Variants in GNPDA2 observed in about 807,000 individuals in gnomAD.
GNPDA2 encodes glcN6P deaminase 2.
A neutral mutation model predicts 27.0 loss-of-function variants in GNPDA2; 24 were observed. The ratio of observed to expected loss-of-function variants is 0.89; its 90% CI spans 0.64 to 1.25. The LOEUF is 1.25. Among genes scored for constraint, GNPDA2 ranks in the 50% most tolerant of loss-of-function variants. GNPDA2 has a pLI of 0.00. For synonymous variants in GNPDA2, 94 were observed against 108.4 expected (o/e 0.87, Z 0.83); for missense variants, 286 against 335.1 (o/e 0.85, Z 1.14).
At chr4:44,712,833 T>C (rs956369219) in intron 4 of GNPDA2, among the ~76,000 whole-genome samples, 3 of 152,192 alleles carry the variant, frequency 2.0e-5, no homozygotes, top group Non-Finnish European at 4.4e-5. Context: ...CTGAGGTTCC[T>C]GATATAAAAT....
At chr4:44,705,393 C>G (rs1353962089) in intron 6 of GNPDA2, 1 of 984,822 alleles carries the variant, frequency 1.0e-6, no homozygotes, top group East Asian at 1.1e-4. Context: ...GGTATCCTAA[C>G]AGGCTGATAC....
In GNPDA2 at chr4:44,722,149, A is replaced by G. The variant is rs2109723456; in HGVS notation, c.59T>C (p.Ile20Thr). 6.2e-7 allele frequency: 1 copy of G among 1,613,316 alleles called. No homozygotes were observed. Among genetic ancestry groups the G allele is most frequent in the East Asian group, 2.2e-5 (1 of 44,850 alleles). The change falls in exon 2 of 7, where the codon ATC (isoleucine) becomes ACC (threonine). Residue 20 changes from isoleucine (I) to threonine (T), a missense_variant. Ile to Thr is a moderately conservative substitution (Grantham distance 89, BLOSUM62 -1). Transcript: ENST00000295448. ...TTTGAACTGAATGATGCGATTACAG[A>G]TGTATTTGGCTGCCCATTCACTAGC... ...DLASEWAAKYICNRIIQFKPG... is the reference protein window; with the variant it reads ...DLASEWAAKYTCNRIIQFKPG...
In GNPDA2 at chr4:44,707,701, T is replaced by C. The variant is rs114752062; in HGVS notation, c.769+51A>G. 1.6e-3 allele frequency: 2,394 copies of C among 1,509,232 alleles called. 33 individuals are homozygous for C. In the African/African-American group the frequency reaches 0.029, roughly 18 times the overall value. 93.5% of individuals were successfully genotyped at this position (1,509,232 alleles called of 1,614,324 possible). ...ACCCCACAGTCACAGTAAGTTTTAA[T>C]TGTCACTCACAACAGATTATCTCAG... On this transcript the variant is annotated intron_variant, in intron 6 of 6. Coordinates refer to ENST00000295448, the MANE Select transcript of GNPDA2 (RefSeq NM_138335.3).
chr4:44,710,988 T>C lies in GNPDA2; in HGVS notation c.559A>G (p.Thr187Ala). 3 of 1,612,332 alleles carry C rather than the reference T, an allele frequency of 1.9e-6. No homozygotes were observed. The South Asian group carries it at 3.3e-5, about 18-fold the overall frequency. ...DLSKVPTMAL[T>A]VGVGTVMDAR... ...TCCATCACTGTCCCCACACCAACAG[T>C]TAGAGCCATAGTTGGCACTTTTGAT... Residue 187 changes from threonine to alanine, a missense_variant, in exon 5 of 7, where the codon ACT becomes GCT. By Grantham distance (58) the Thr-to-Ala change is moderately conservative. Transcript: ENST00000295448.
At chr4:44,724,578 T>C (rs1232191698) in intron 1 of GNPDA2, among the ~76,000 whole-genome samples, 1 of 104,822 alleles carries the variant, frequency 9.5e-6, no homozygotes, top group African/African-American at 2.8e-5. Context: ...CTTATTTTTA[T>C]ATTAAATGGA....
Position 44,704,198 on chromosome 4 carries a change from G to T in GNPDA2, c.770-1056C>A, listed in dbSNP as rs1193176800. The T allele has an allele frequency of 1.0e-5, 10 of 983,770 alleles. No individual in the cohort carries two copies. In the East Asian group the frequency reaches 8.0e-4, roughly 78 times the overall value. The allele number at this position is 983,770 out of a possible 1,614,324, so 60.9% of individuals were successfully genotyped here. A position where few individuals can be genotyped will look rare whatever the true frequency, so the allele number is the denominator to read the frequency against. Reference sequence around the variant, plus strand: ...ATGGGACTCTAAAGGAGGGAAGGGGGAAGCATTCCATTCACTAGTCCTGCA... The same window carrying T: ...ATGGGACTCTAAAGGAGGGAAGGGGTAAGCATTCCATTCACTAGTCCTGCA... On this transcript the variant is annotated intron_variant, in intron 6 of 6. Transcript: ENST00000295448.
chr4:44,719,421 G>T (rs1717529746), intron 2 of GNPDA2, among the ~76,000 whole-genome samples: 1 of 152,002 alleles, frequency 6.6e-6, no homozygotes, highest in Non-Finnish European at 1.5e-5. Context: ...ACTGCCTCTT[G>T]TTTGAGATGT....
At chr4:44,715,895 G>C (rs541060150) in intron 4 of GNPDA2, among the ~76,000 whole-genome samples, 2 of 151,866 alleles carry the variant, frequency 1.3e-5, no homozygotes, top group African/African-American at 4.8e-5. Flanking sequence ...GAGGGAATTC[G>C]GTAAAAATCC....
Position 44,710,927 on chromosome 4 carries a change from G to A in GNPDA2, c.594+26C>T, listed in dbSNP as rs368488482. On this transcript the variant is annotated intron_variant, in intron 5 of 6. Transcript: ENST00000295448. ...ATTAATATATTAACATGAAAAGAAA[G>A]ACAGCAAAGAATATTTAATGCTTAC... 26 of 1,504,972 alleles carry A rather than the reference G, an allele frequency of 1.7e-5. No individual in the cohort carries two copies. In the African/African-American group the frequency reaches 3.1e-4, roughly 18 times the overall value. 93.2% of individuals were successfully genotyped at this position (1,504,972 alleles called of 1,614,324 possible).
intron 6 of GNPDA2, chr4:44,704,628 C>A (rs1195952544): frequency 8.3e-6 from 7 of 840,174 alleles, no homozygotes; most frequent in Non-Finnish European, 1.0e-5. Context: ...TAAAAACTGA[C>A]AACTTTCTAC....
intron 6 of GNPDA2, chr4:44,705,465 C>A: frequency 2.0e-6 from 2 of 985,134 alleles, no homozygotes; most frequent in Non-Finnish European, 2.4e-6. Context: ...CCTCTTGATG[C>A]AGTGCAGCTA....
At chr4:44,713,975 T>G (rs925299759) in intron 4 of GNPDA2, among the ~76,000 whole-genome samples, 9 of 152,186 alleles carry the variant, frequency 5.9e-5, no homozygotes, top group African/African-American at 1.9e-4. Context: ...TAAAATTATT[T>G]ATTTATTCAT....
Position 44,703,068 on chromosome 4 carries a change from GCTCCAGTCTC to G in GNPDA2, c.*3_*12del. 1 of 1,611,174 alleles carries G rather than the reference GCTCCAGTCTC, an allele frequency of 6.2e-7. No homozygotes were observed. Among genetic ancestry groups the G allele is most frequent in the Middle Eastern group, 1.7e-4 (1 of 6,044 alleles). On this transcript the variant is annotated 3_prime_UTR_variant, in exon 7 of 7. Transcript: ENST00000295448. ...GCTCTGTTCATTCAAGCTGAATTTT[GCTCCAGTCTC>G]CTTCAGTTTCCATCTTTCATACTGA...
chr4:44,708,104 T>C (rs1388898302), intron 5 of GNPDA2, among the ~76,000 whole-genome samples, 178 bp from the exon 6 acceptor site: 1 of 152,160 alleles, frequency 6.6e-6, no homozygotes, highest in East Asian at 1.9e-4. Context: ...GCACAAAATG[T>C]TGCTTCTAGT....
chr4:44,717,073 A>G (rs1717343266), intron 4 of GNPDA2, 40 bp downstream of exon 4: 1 of 1,384,510 alleles, frequency 7.2e-7, no homozygotes, highest in Non-Finnish European at 1.0e-6. Flanking sequence ...CCCTAATTCA[A>G]ACACTAACAA....
chr4:44,724,809 C>A (rs1717910430), intron 1 of GNPDA2, among the ~76,000 whole-genome samples: 1 of 152,190 alleles, frequency 6.6e-6, no homozygotes, highest in East Asian at 1.9e-4. Flanking sequence ...AGAATTCTGG[C>A]CCGATAACAA....
At chr4:44,713,656 G>C (rs1717106264) in intron 4 of GNPDA2, among the ~76,000 whole-genome samples, 1 of 152,148 alleles carries the variant, frequency 6.6e-6, no homozygotes, top group Non-Finnish European at 1.5e-5. Context: ...AAGGCAGGTG[G>C]ATCACCAGAG....
At chr4:44,705,110 CT>C in intron 6 of GNPDA2, 6 of 984,842 alleles carry the variant, frequency 6.1e-6, no homozygotes, top group Non-Finnish European at 7.2e-6. Flanking sequence ...AAATAAAACC[CT>C]TTAAGATTCT....
rs572602226 is a variant in GNPDA2 at position 44,703,919 on chromosome 4, A to G, written c.770-777T>C. On this transcript the variant is annotated intron_variant, in intron 6 of 6. Coordinates refer to ENST00000295448, the MANE Select transcript of GNPDA2 (RefSeq NM_138335.3). ...ATGAACCAGAGATTTTATATTTTGG[A>G]GGGTAAAGAAATGAGTTAAGTTTTC... The G allele has an allele frequency of 5.7e-5, 56 of 985,058 alleles. No individual in the cohort carries two copies. In the South Asian group the frequency reaches 2.3e-3, roughly 40 times the overall value. The allele number at this position is 985,058 out of a possible 1,614,324, so 61.0% of individuals were successfully genotyped here.
Sources: gnomAD v4.1 joint callset for allele counts (sites outside exome capture counted in the v4.1 genomes callset) on GRCh38, gnomAD v4.1.1 for gene constraint, MANE v1.5 for transcripts, NCBI Gene and HGNC (gene_info 2026-07-23, HGNC 2026-07-21) for gene names.